The following DLC1 variants were observed in gnomAD, a reference collection of about 807,000 sequenced individuals.
DLC1 encodes DLC1 Rho GTPase activating protein, also known as rho GTPase-activating protein 7.
A neutral mutation model predicts 140.3 loss-of-function variants in DLC1; 54 were observed. The observed-to-expected ratio is 0.38, with a 90% CI of 0.31 to 0.48. The LOEUF is 0.48. Ranked by LOEUF, DLC1 falls within the 20% of genes least tolerant of loss-of-function variation. The probability of loss-of-function intolerance (pLI) is 0.96; values close to 1 mark genes in which losing one functional copy is unlikely to be tolerated. For synonymous variants in DLC1, 986 were observed against 728.1 expected (o/e 1.35, Z -5.70); for missense variants, 2,536 against 1,907.0 (o/e 1.33, Z -6.14).
chr8:13,342,496 C>T (rs1043131997), intron 4 of DLC1: 10 of 152,222 alleles, frequency 6.6e-5, no homozygotes, highest in Admixed American at 2.6e-4. Flanking sequence ...CTGTGTAAGG[C>T]AGAGTAGGCT....
intron 2 of DLC1, among the ~76,000 whole-genome samples, chr8:13,409,031 T>A (rs1026949384): frequency 6.6e-6 from 1 of 152,060 alleles, no homozygotes; most frequent in African/African-American, 2.4e-5. Context: ...TTTTAAAGTC[T>A]TGTATTGACC....
In DLC1 at chr8:13,356,265, T is replaced by G. The variant is rs1263353031; in HGVS notation, c.1314+37288A>C. Among the ~76,000 whole-genome samples, 8 of 152,134 alleles carry G rather than the reference T, an allele frequency of 5.3e-5. No homozygotes were observed. In the South Asian group the frequency reaches 1.5e-3, roughly 28 times the overall value. On this transcript the variant is annotated intron_variant, in intron 4 of 17. Coordinates refer to ENST00000276297, the MANE Select transcript of DLC1 (RefSeq NM_182643.3). ...TCTTGAACTTTGAATGTAACCTTATTTAGACTTTTAGACCTGGTCATGAAC... is the reference window on the plus strand; with the variant it reads ...TCTTGAACTTTGAATGTAACCTTATGTAGACTTTTAGACCTGGTCATGAAC...
chr8:13,116,638 C>G (rs1345388635), intron 5 of DLC1, among the ~76,000 whole-genome samples: 1 of 152,152 alleles, frequency 6.6e-6, no homozygotes, highest in Admixed American at 6.5e-5. Context: ...TGTAACACAT[C>G]TTATTTTTGT....
chr8:13,100,545 T>G lies in DLC1; in HGVS notation c.1792A>C (p.Ser598Arg), dbSNP rs1222703686. Residue 598 changes from serine (S) to arginine (R), a missense_variant, in exon 9 of 18, where the codon AGC becomes CGC. Ser to Arg is a moderately radical substitution (Grantham distance 110). Transcript: ENST00000276297. Reference sequence around the variant, plus strand: ...TGGCTGGGGAGGCTGCCAGTGCTGCTGAGGCTGCGGACGGAAGACACCTCC... The same window carrying G: ...TGGCTGGGGAGGCTGCCAGTGCTGCGGAGGCTGCGGACGGAAGACACCTCC... ...RQEVSSVRSL[S>R]STGSLPSHAP... 1.9e-6 allele frequency: 3 copies of G among 1,613,212 alleles called. No homozygotes were observed. Among genetic ancestry groups the G allele is most frequent in the Non-Finnish European group, 2.5e-6 (3 of 1,179,868 alleles).
chr8:13,399,550 C>T (rs983291724), intron 3 of DLC1, among the ~76,000 whole-genome samples: 1 of 152,132 alleles, frequency 6.6e-6, no homozygotes, highest in African/African-American at 2.4e-5. Flanking sequence ...TCCCCTATCC[C>T]CATTCATCCT....
At chr8:13,190,103 A>C (rs549619150) in intron 5 of DLC1, among the ~76,000 whole-genome samples, 3 of 152,204 alleles carry the variant, frequency 2.0e-5, no homozygotes, top group Admixed American at 2.0e-4. Flanking sequence ...ATTTTACTCA[A>C]TGTATTCCAA....
Position 13,578,176 on chromosome 8 carries a change from C to T in DLC1, c.-126+26361G>A, listed in dbSNP as rs370677048. On this transcript the variant is annotated intron_variant, in intron 1 of 1. Coordinates refer to the DLC1 transcript ENST00000631382. ...TCAGTAACTCAGCACAGCTGCTGCT[C>T]CGTACCAAGGATGACCACATGGCCA... Among the ~76,000 whole-genome samples, 74 of 152,168 alleles carry T rather than the reference C, an allele frequency of 4.9e-4. 2 individuals carry two copies. The South Asian group carries it at 0.014, about 30-fold the overall frequency.
Position 13,499,743 on chromosome 8 carries a change from A to G in DLC1, c.329T>C (p.Val110Ala). The G allele has an allele frequency of 6.2e-7, 1 of 1,614,136 alleles. No individual in the cohort carries two copies. The highest frequency in any genetic ancestry group is 8.5e-7 in the Non-Finnish European group (1 of 1,180,010). The part of the protein sequence containing the change: ...LEASTETLVH[V>A]SDEDNNADLC... ...ATCAGCATTGTTATCCTCATCAGAA[A>G]CATGCACTAGTGTTTCTGTGCTGGC... The change falls in exon 2 of 18, where the codon GTT becomes GCT. Residue 110 changes from valine to alanine, a missense_variant. Coordinates refer to ENST00000276297, the MANE Select transcript of DLC1 (RefSeq NM_182643.3).
intron 4 of DLC1, chr8:13,340,951 C>T (rs1407967379): frequency 6.6e-6 from 1 of 152,216 alleles, no homozygotes; most frequent in Non-Finnish European, 1.5e-5. Flanking sequence ...CAGCGTCTAA[C>T]TCGGCTGGCA....
rs376162448 is a variant in DLC1 at position 13,326,449 on chromosome 8, G to T, written c.1315-21147C>A. On this transcript the variant is annotated intron_variant, in intron 4 of 17. Transcript: ENST00000276297. ...GTATTTATAATTTTTTAAAGAAGAG[G>T]ACATATAATTGTGCATATAGTCTTG... 1.1e-4 allele frequency among the ~76,000 whole-genome samples: 16 copies of T among 152,214 alleles called. No homozygotes were observed. In the East Asian group the frequency reaches 1.9e-3, roughly 18 times the overall value.
intron 4 of DLC1, among the ~76,000 whole-genome samples, chr8:13,314,606 A>T (rs940707317): frequency 2.0e-5 from 3 of 152,214 alleles, no homozygotes; most frequent in Non-Finnish European, 4.4e-5. Context: ...CTGCATGTTC[A>T]TCTGTATTAC....
At position 13,377,448 on chromosome 8, in the gene DLC1, C is replaced by T. The variant is rs572768873; in HGVS notation, c.1314+16105G>A. ...TGTAAGGAGGACAGTTATTCAATAA[C>T]GGCTTTTATAAACTACTATAAACAT... is the stretch of plus-strand genomic sequence containing the variant. On this transcript the variant is annotated intron_variant, in intron 4 of 17. Coordinates refer to ENST00000276297, the MANE Select transcript of DLC1 (RefSeq NM_182643.3). 1.4e-4 allele frequency among the ~76,000 whole-genome samples: 22 copies of T among 152,174 alleles called. No individual in the cohort carries two copies. The East Asian group carries it at 4.1e-3, about 28-fold the overall frequency.
chr8:13,272,581 G>T (rs1263738539), intron 5 of DLC1, among the ~76,000 whole-genome samples: 3 of 152,118 alleles, frequency 2.0e-5, no homozygotes, highest in African/African-American at 7.2e-5. Flanking sequence ...CTTTTAACTG[G>T]CTGGGTGCGG....
intron 5 of DLC1, among the ~76,000 whole-genome samples, chr8:13,199,376 A>G (rs754319592): frequency 4.5e-4 from 68 of 151,470 alleles, no homozygotes; most frequent in Admixed American, 1.2e-3. Flanking sequence ...GTAGATGGAG[A>G]TCTTGCCATG....
chr8:13,444,754 A>G (rs759807774), intron 2 of DLC1, among the ~76,000 whole-genome samples: 5 of 152,222 alleles, frequency 3.3e-5, no homozygotes, highest in Admixed American at 1.3e-4. Flanking sequence ...ATTCCATGTT[A>G]GAAGAGATTC....
intron 5 of DLC1, among the ~76,000 whole-genome samples, chr8:13,232,570 A>T (rs1380462353): frequency 6.6e-6 from 1 of 152,108 alleles, no homozygotes; most frequent in Non-Finnish European, 1.5e-5. Context: ...TGACCTCATG[A>T]TCCACTTGCC....
chr8:13,111,148 A>T (rs569510), intron 6 of DLC1, among the ~76,000 whole-genome samples: 125,745 of 152,118 alleles, frequency 0.83, 52,097 homozygotes, highest in East Asian at 0.96. Flanking sequence ...TAAGCCACAA[A>T]GACTGTCAGA....
intron 2 of DLC1, among the ~76,000 whole-genome samples, chr8:13,434,902 A>T (rs982888943): frequency 6.6e-6 from 1 of 151,132 alleles, no homozygotes; most frequent in African/African-American, 2.4e-5. Context: ...TTGGTCTTGA[A>T]CTCCTGAGCT....
At chr8:13,471,972 C>T (rs985122971) in intron 2 of DLC1, among the ~76,000 whole-genome samples, 1 of 152,176 alleles carries the variant, frequency 6.6e-6, no homozygotes, top group African/African-American at 2.4e-5. Flanking sequence ...TCTGAGCTAA[C>T]ACCCTTCAAA....
Sources: allele counts gnomAD v4.1 joint callset (sites outside exome capture counted in the v4.1 genomes callset), GRCh38; gene constraint gnomAD v4.1.1; transcripts MANE v1.5; gene names NCBI Gene and HGNC (gene_info 2026-07-23, HGNC 2026-07-21).